The following PNKD variants were observed in gnomAD, a reference collection of about 807,000 sequenced individuals.
The protein encoded by PNKD is PNKD metallo-beta-lactamase domain containing.
In PNKD, 36 loss-of-function variants were observed where a neutral mutation model predicts 45.3. The observed-to-expected ratio is 0.80, with a 90% CI of 0.61 to 1.05. PNKD has a LOEUF of 1.05. PNKD is among the 50% of genes least tolerant of loss of function. The pLI, the probability that PNKD is intolerant of heterozygous loss-of-function variation, is 0.00. For synonymous variants in PNKD, 197 were observed against 210.1 expected (o/e 0.94, Z 0.54); for missense variants, 511 against 506.6 (o/e 1.01, Z -0.08).
At position 218,279,969 on chromosome 2, in the gene PNKD, C is replaced by T. The variant is rs995105075; in HGVS notation, c.236+8420C>T. On this transcript the variant is annotated intron_variant, in intron 2 of 9. Coordinates refer to ENST00000273077, the MANE Select transcript of PNKD (RefSeq NM_015488.5). ...TGGGGCTACTGTGGCCTACCCACTT[C>T]CCATTCCCACAGCCTGAGGGGCCCC... 6 of 1,339,532 alleles carry T rather than the reference C, an allele frequency of 4.5e-6. No individual in the cohort carries two copies. In the African/African-American group the frequency reaches 5.7e-5, roughly 13 times the overall value. 83.0% of individuals were successfully genotyped at this position (1,339,532 alleles called of 1,614,324 possible).
chr2:218,312,573 A>AG (rs1693646121), intron 2 of PNKD, among the ~76,000 whole-genome samples: 1 of 151,222 alleles, frequency 6.6e-6, no homozygotes, highest in Admixed American at 6.6e-5. Flanking sequence ...TTTAAAAAAA[A>AG]AAAAAAAAGA....
chr2:218,339,422 C>T (rs539038782), intron 2 of PNKD, among the ~76,000 whole-genome samples: 10 of 152,210 alleles, frequency 6.6e-5, no homozygotes, highest in African/African-American at 1.4e-4. Context: ...GACAGGGTTT[C>T]GCCATGTTAG....
rs1553664291 is a variant in PNKD at position 218,297,706 on chromosome 2, A to AG, written c.236+26157_236+26158insG. On this transcript the variant is annotated intron_variant, in intron 2 of 9. Coordinates refer to ENST00000273077, the MANE Select transcript of PNKD (RefSeq NM_015488.5). ...TCTCAAAAAAAAAAAAAAAAAAAAA[A>AG]AGAGAGAAGAAAAGAAATCACAGTG... Among the ~76,000 whole-genome samples, 958 of 116,660 alleles carry AG rather than the reference A, an allele frequency of 8.2e-3. 5 individuals are homozygous for AG. The highest frequency in any genetic ancestry group is 0.013 in the Non-Finnish European group (774 of 58,186). 76.5% of individuals were successfully genotyped at this position (116,660 alleles called of 152,430 possible). A position where few individuals can be genotyped will look rare whatever the true frequency, so the allele number is the denominator to read the frequency against.
rs1430334889 is a variant in PNKD at position 218,340,769 on chromosome 2, G to T, written c.507G>T (p.Leu169=). The stretch of plus-strand genomic sequence containing the variant: ...AAGGGGTCACCTTGGTCGCCATTCT[G>T]TGTACTCACAAGCACTGGTAAGGGG... ...EKEGVTLVAI[L]CTHKHWDHSG... The change falls in exon 5 of 10, where the codon CTG becomes CTT. Residue 169 remains leucine (L), a synonymous_variant. Transcript: ENST00000273077. The surrounding 1 kb of genome is among the most constrained non-coding windows in gnomAD (Gnocchi z 4.2). The T allele has an allele frequency of 1.9e-6, 3 of 1,614,028 alleles. No individual in the cohort carries two copies. The highest frequency in any genetic ancestry group is 2.7e-5 in the African/African-American group (2 of 75,050).
At chr2:218,300,165 C>T (rs1693239398) in intron 2 of PNKD, among the ~76,000 whole-genome samples, 1 of 152,192 alleles carries the variant, frequency 6.6e-6, no homozygotes, top group African/African-American at 2.4e-5. Flanking sequence ...TTATGGTTCT[C>T]AGCAGCAAAA....
intron 2 of PNKD, among the ~76,000 whole-genome samples, chr2:218,337,641 A>G (rs1351823348): frequency 6.6e-6 from 1 of 152,164 alleles, no homozygotes; most frequent in Non-Finnish European, 1.5e-5. Context: ...GGTCAGTCAT[A>G]GGTGTGCACT....
chr2:218,345,137 G>C lies in PNKD; in HGVS notation c.*156G>C, dbSNP rs1024114789. On this transcript the variant is annotated 3_prime_UTR_variant, in exon 10 of 10. Coordinates refer to ENST00000273077, the MANE Select transcript of PNKD (RefSeq NM_015488.5). ...GCTCAGGGGAGGGGAGGGATCAGGC[G>C]ATGAGACTGTGAGGCCAAAAGAAGG... is the stretch of plus-strand genomic sequence containing the variant. The C allele has an allele frequency of 4.3e-5, 28 of 650,822 alleles. No individual in the cohort carries two copies. The African/African-American group carries it at 4.4e-4, about 10-fold the overall frequency. 40.3% of individuals were successfully genotyped at this position (650,822 alleles called of 1,614,324 possible). A position where few individuals can be genotyped will look rare whatever the true frequency, so the allele number is the denominator to read the frequency against.
intron 2 of PNKD, chr2:218,334,556 G>A: frequency 3.4e-6 from 2 of 588,602 alleles, no homozygotes; most frequent in Non-Finnish European, 6.0e-6. Context: ...AGGAGGCTGA[G>A]GCGGGAGGAT....
intron 1 of PNKD, 103 bp downstream of exon 1, chr2:218,270,705 C>G (rs991036749): frequency 7.0e-6 from 3 of 428,478 alleles, no homozygotes; most frequent in African/African-American, 4.1e-5. Context: ...TTCCTCCCCA[C>G]ACTTTTCTGC....
intron 2 of PNKD, among the ~76,000 whole-genome samples, chr2:218,321,685 G>A (rs1347471658): frequency 2.2e-5 from 3 of 134,798 alleles, no homozygotes; most frequent in African/African-American, 5.7e-5. Context: ...CTGGAGTGCC[G>A]TGGCACAATC....
chr2:218,301,273 G>A (rs548335153), intron 2 of PNKD, among the ~76,000 whole-genome samples: 3 of 152,244 alleles, frequency 2.0e-5, no homozygotes, highest in South Asian at 2.1e-4. Flanking sequence ...CTATAGCGCT[G>A]GTCATTGACT....
chr2:218,330,940 C>T (rs1213320216), intron 2 of PNKD, among the ~76,000 whole-genome samples: 2 of 152,228 alleles, frequency 1.3e-5, no homozygotes, highest in African/African-American at 2.4e-5. Flanking sequence ...CTTACTGGCC[C>T]AGCCTGCAAG....
At chr2:218,299,163 T>C (rs1349474932) in intron 2 of PNKD, among the ~76,000 whole-genome samples, 2 of 152,152 alleles carry the variant, frequency 1.3e-5, no homozygotes, top group Non-Finnish European at 2.9e-5. Context: ...TGAGTTTCGC[T>C]TTTGTCACCC....
chr2:218,333,111 C>A (rs1024418118), intron 2 of PNKD, among the ~76,000 whole-genome samples: 2 of 152,208 alleles, frequency 1.3e-5, no homozygotes, highest in South Asian at 2.1e-4. Flanking sequence ...TTTCCACCCC[C>A]AGCCATAGTT....
intron 2 of PNKD, chr2:218,279,455 T>G: frequency 9.0e-7 from 1 of 1,105,874 alleles, no homozygotes; most frequent in Non-Finnish European, 1.3e-6. Context: ...GAACCCTCCC[T>G]AGCTGCAGCC....
At chr2:218,334,716 T>C (rs1694438689) in intron 2 of PNKD, 1 of 702,798 alleles carries the variant, frequency 1.4e-6, no homozygotes, top group Non-Finnish European at 2.6e-6. Context: ...CCCTCCTCAG[T>C]GCATCATACC....
intron 2 of PNKD, among the ~76,000 whole-genome samples, chr2:218,337,587 C>A (rs1694534574): frequency 6.6e-6 from 1 of 152,190 alleles, no homozygotes; most frequent in Admixed American, 6.5e-5. Context: ...TGTCTTTGTG[C>A]ACTTGAAGCA....
At chr2:218,335,948 G>A (rs1171731201) in intron 2 of PNKD, among the ~76,000 whole-genome samples, 1 of 152,130 alleles carries the variant, frequency 6.6e-6, no homozygotes, top group Non-Finnish European at 1.5e-5. Context: ...CAGGCGTGGT[G>A]GCTCATGTCT....
chr2:218,328,922 T>C lies in PNKD; in HGVS notation c.237-10861T>C, dbSNP rs191019306. ...GACTGCTCTGTGTTCCTAAGGGGCC[T>C]TGGGGCCGGGCACAGTGGCTCACAC... On this transcript the variant is annotated intron_variant, in intron 2 of 9. Coordinates refer to ENST00000273077, the MANE Select transcript of PNKD (RefSeq NM_015488.5). Among the ~76,000 whole-genome samples, 447 of 152,236 alleles carry C rather than the reference T, an allele frequency of 2.9e-3. 6 individuals carry two copies. The highest frequency in any genetic ancestry group is 0.01 in the African/African-American group (426 of 41,552).
Sources: allele counts gnomAD v4.1 joint callset (sites outside exome capture counted in the v4.1 genomes callset), GRCh38; gene constraint gnomAD v4.1.1; non-coding constraint Gnocchi (gnomAD v3.1); transcripts MANE v1.5; gene names NCBI Gene and HGNC (gene_info 2026-07-23, HGNC 2026-07-21).